Variants in SLCO1B3 observed in about 807,000 individuals in gnomAD.
SLCO1B3 encodes solute carrier organic anion transporter family member 1B3.
SLCO1B3 carries 72 observed loss-of-function variants against 71.8 expected under a neutral mutation model. The observed-to-expected ratio is 1.00, with a 90% CI of 0.83 to 1.22. SLCO1B3 has a LOEUF of 1.22. Among genes scored for constraint, SLCO1B3 ranks in the 50% most tolerant of loss-of-function variants. The probability of loss-of-function intolerance (pLI) is 0.00; values close to 1 mark genes in which losing one functional copy is unlikely to be tolerated. For synonymous variants in SLCO1B3, 298 were observed against 278.4 expected, an observed-to-expected ratio of 1.07 and a Z score of -0.70; for missense variants, 911 against 819.7, an observed-to-expected ratio of 1.11 and a Z score of -1.36.
intron 1 of SLCO1B3, among the ~76,000 whole-genome samples, chr12:20,812,062 C>T (rs1260960430): frequency 6.6e-6 from 1 of 152,030 alleles, no homozygotes; most frequent in Non-Finnish European, 1.5e-5. Flanking sequence ...CATGTACCAC[C>T]ACACCCAGCT....
chr12:20,837,766 T>G (rs1864714018), intron 3 of SLCO1B3, among the ~76,000 whole-genome samples: 1 of 152,186 alleles, frequency 6.6e-6, no homozygotes, highest in Admixed American at 6.5e-5. Flanking sequence ...CATGTGAGCT[T>G]AAGAATGTCT....
chr12:20,848,380 T>C (rs1286452287), intron 3 of SLCO1B3, among the ~76,000 whole-genome samples: 1 of 152,142 alleles, frequency 6.6e-6, no homozygotes, highest in Non-Finnish European at 1.5e-5. Flanking sequence ...CATTTATTGC[T>C]GGTAGGAATG....
intron 13 of SLCO1B3, among the ~76,000 whole-genome samples, chr12:20,892,237 T>C (rs1215387306): frequency 6.6e-6 from 1 of 152,060 alleles, no homozygotes; most frequent in Non-Finnish European, 1.5e-5. Flanking sequence ...CATTTGAAAA[T>C]GTGGCTATAA....
rs116150874 is a variant in SLCO1B3 at position 20,833,043 on chromosome 12, T to C, written c.84+17221T>C. On this transcript the variant is annotated intron_variant, in intron 3 of 15. Coordinates refer to ENST00000381545, the MANE Select transcript of SLCO1B3 (RefSeq NM_019844.4). ...CAAGACCATGTTTCTTTCTGAAAAT[T>C]CTAGGGACAATACACTTCTTTGTTT... is the stretch of plus-strand genomic sequence containing the variant. Among the ~76,000 whole-genome samples, 605 of 152,280 alleles carry C rather than the reference T, an allele frequency of 4.0e-3. 4 individuals are homozygous for C. Among genetic ancestry groups the C allele is most frequent in the African/African-American group, 0.013 (552 of 41,568 alleles).
chr12:20,820,744 G>C (rs979343939), intron 3 of SLCO1B3, among the ~76,000 whole-genome samples: 1 of 152,110 alleles, frequency 6.6e-6, no homozygotes, highest in Admixed American at 6.6e-5. Context: ...TGACCTTTTA[G>C]GGTCTAGGGC....
rs149434472 is a variant in SLCO1B3, at chr12:20,909,946, A to G, written c.1866-6058A>G. ...TTCCAAACCTGGAATATATGCCTGG[A>G]TAACTGTTTTATTCAGAGGTTTTAA... On this transcript the variant is annotated intron_variant, in intron 15 of 15. Transcript: ENST00000381545. 2.0e-4 allele frequency among the ~76,000 whole-genome samples: 31 copies of G among 152,300 alleles called. No homozygotes were observed. In the East Asian group the frequency reaches 5.6e-3, roughly 27 times the overall value.
Position 20,815,832 on chromosome 12 carries a change from G to T in SLCO1B3, c.84+10G>T. ...CTGCAATGGATTCAAGGTAGAATGGGTTTTATATTTTCAAACTAAAATAAG... is the reference window on the plus strand; with the variant it reads ...CTGCAATGGATTCAAGGTAGAATGGTTTTTATATTTTCAAACTAAAATAAG... On this transcript the variant is annotated intron_variant, in intron 3 of 15. Transcript: ENST00000381545. The T allele has an allele frequency of 4.6e-6, 7 of 1,533,116 alleles. No homozygotes were observed. Among genetic ancestry groups the T allele is most frequent in the Non-Finnish European group, 6.2e-6 (7 of 1,132,704 alleles). 95.0% of individuals were successfully genotyped at this position (1,533,116 alleles called of 1,614,324 possible).
chr12:20,816,627 C>G (rs2121072896), intron 3 of SLCO1B3, among the ~76,000 whole-genome samples: 1 of 152,260 alleles, frequency 6.6e-6, no homozygotes, highest in Middle Eastern at 3.4e-3. Context: ...GCTTCCATAT[C>G]TTAGTTATTG....
chr12:20,878,031 T>G, intron 10 of SLCO1B3, 95 bp downstream of exon 10: 1 of 822,424 alleles, frequency 1.2e-6, no homozygotes, highest in Non-Finnish European at 1.9e-6. Context: ...GATTTTATAT[T>G]TTACTAAATG....
At chr12:20,827,928 T>C (rs1864461832) in intron 3 of SLCO1B3, among the ~76,000 whole-genome samples, 1 of 152,048 alleles carries the variant, frequency 6.6e-6, no homozygotes, top group Non-Finnish European at 1.5e-5. Flanking sequence ...AAGGAACAAC[T>C]CTTAGGTGAA....
At chr12:20,876,915 C>A (rs1035003901) in intron 9 of SLCO1B3, among the ~76,000 whole-genome samples, 1 of 152,066 alleles carries the variant, frequency 6.6e-6, no homozygotes, top group African/African-American at 2.4e-5. Flanking sequence ...ACTGCAACCT[C>A]CACCTCCCAG....
intron 15 of SLCO1B3, among the ~76,000 whole-genome samples, chr12:20,914,192 T>C (rs1047973192): frequency 6.6e-6 from 1 of 152,196 alleles, no homozygotes; most frequent in African/African-American, 2.4e-5. Flanking sequence ...ATCCTATTTT[T>C]GTATTCCACT....
chr12:20,896,814 C>T (rs780676864), intron 13 of SLCO1B3, among the ~76,000 whole-genome samples: 14 of 152,178 alleles, frequency 9.2e-5, no homozygotes, highest in African/African-American at 1.4e-4. Context: ...TGAGACTGGG[C>T]GATTTACAAA....
intron 9 of SLCO1B3, 31 bp from the exon 10 acceptor site, chr12:20,877,741 A>G (rs1865609539): frequency 2.0e-6 from 2 of 998,278 alleles, no homozygotes; most frequent in Non-Finnish European, 2.7e-6. Context: ...ATATTTTATT[A>G]TTGAAATATG....
chr12:20,823,075 A>T (rs151306946), intron 3 of SLCO1B3, among the ~76,000 whole-genome samples: 1 of 152,298 alleles, frequency 6.6e-6, no homozygotes, highest in African/African-American at 2.4e-5. Flanking sequence ...CTGCAAAGAA[A>T]AAAATAGGAG....
intron 8 of SLCO1B3, among the ~76,000 whole-genome samples, chr12:20,871,268 C>T (rs963339657): frequency 6.6e-6 from 1 of 152,124 alleles, no homozygotes; most frequent in African/African-American, 2.4e-5. Context: ...TTAATTATTT[C>T]AGTCTCTTTG....
At chr12:20,912,126 C>G (rs1310271651) in intron 15 of SLCO1B3, among the ~76,000 whole-genome samples, 6 of 151,844 alleles carry the variant, frequency 4.0e-5, no homozygotes, top group Non-Finnish European at 7.4e-5. Context: ...TTAAATTTCT[C>G]ATGAAATTTC....
At chr12:20,884,222 G>C (rs1865749456) in intron 13 of SLCO1B3, among the ~76,000 whole-genome samples, 1 of 151,966 alleles carries the variant, frequency 6.6e-6, no homozygotes. Flanking sequence ...TCACAGCTTA[G>C]AAAATGACAA....
Position 20,915,897 on chromosome 12 carries a change from G to A in SLCO1B3, c.1866-107G>A, listed in dbSNP as rs376179341. 1,148 of 745,562 alleles carry A rather than the reference G, an allele frequency of 1.5e-3. 14 individuals carry two copies. In the South Asian group the frequency reaches 0.023, roughly 15 times the overall value. 46.2% of individuals were successfully genotyped at this position (745,562 alleles called of 1,614,324 possible). On this transcript the variant is annotated intron_variant, in intron 15 of 15. Coordinates refer to ENST00000381545, the MANE Select transcript of SLCO1B3 (RefSeq NM_019844.4). ...AATTGTTCTCTTAATATTTGTATGT[G>A]TAACTTGTTTTTCTTTCTTTTAAGA...
Sources: gnomAD v4.1 joint callset for allele counts (sites outside exome capture counted in the v4.1 genomes callset) on GRCh38, gnomAD v4.1.1 for gene constraint, MANE v1.5 for transcripts, NCBI Gene and HGNC (gene_info 2026-07-23, HGNC 2026-07-21) for gene names.